The following SCAPER variants were observed in gnomAD, a reference collection of about 807,000 sequenced individuals.
SCAPER encodes S phase cyclin A-associated protein in the endoplasmic reticulum.
SCAPER carries 98 observed loss-of-function variants against 182.2 expected under a neutral mutation model. The observed-to-expected ratio is 0.54, with a 90% CI of 0.46 to 0.64. The LOEUF (loss-of-function observed/expected upper bound fraction) is 0.64. SCAPER is among the 30% of genes least tolerant of loss of function. The pLI is 0.00. For missense variants in SCAPER, 1,432 were observed against 1,690.0 expected, an observed-to-expected ratio of 0.85 and a Z score of 2.68; for synonymous variants, 605 against 564.6, an observed-to-expected ratio of 1.07 and a Z score of -1.01.
intron 5 of SCAPER, among the ~76,000 whole-genome samples, chr15:76,823,062 T>A (rs2067706114): frequency 6.6e-6 from 1 of 152,266 alleles, no homozygotes; most frequent in African/African-American, 2.4e-5. Flanking sequence ...TGATCATTTG[T>A]ATTATAAATG....
At chr15:76,831,387 C>A (rs1056232240) in intron 5 of SCAPER, among the ~76,000 whole-genome samples, 1 of 151,906 alleles carries the variant, frequency 6.6e-6, no homozygotes, top group Admixed American at 6.6e-5. Flanking sequence ...CTTTCCCAGC[C>A]CCCACCCTCC....
At chr15:76,778,365 T>G (rs879835033) in intron 8 of SCAPER, among the ~76,000 whole-genome samples, 1 of 152,146 alleles carries the variant, frequency 6.6e-6, no homozygotes, top group Non-Finnish European at 1.5e-5. Flanking sequence ...AAATTACGTA[T>G]GTATAATGTT....
chr15:76,397,945 T>TA (rs1257426355), intron 27 of SCAPER, among the ~76,000 whole-genome samples: 4 of 152,196 alleles, frequency 2.6e-5, no homozygotes, highest in African/African-American at 9.7e-5. Flanking sequence ...CTCAGCAAAT[T>TA]ATTTTATGTA....
chr15:76,836,748 C>T (rs369642721), intron 5 of SCAPER, among the ~76,000 whole-genome samples: 22 of 152,156 alleles, frequency 1.4e-4, no homozygotes, highest in African/African-American at 5.3e-4. Flanking sequence ...GTGGCAGGCA[C>T]CCGTAGTCCC....
intron 23 of SCAPER, among the ~76,000 whole-genome samples, chr15:76,514,619 T>C (rs1205783608): frequency 6.6e-6 from 1 of 151,776 alleles, no homozygotes; most frequent in Non-Finnish European, 1.5e-5. Flanking sequence ...GAAAACTGTT[T>C]GCGTGTTCAT....
chr15:76,640,686 T>C (rs931659726), intron 21 of SCAPER, among the ~76,000 whole-genome samples: 6 of 152,202 alleles, frequency 3.9e-5, no homozygotes, highest in African/African-American at 1.4e-4. Flanking sequence ...ATGACTGTTA[T>C]GGTTCATTTA....
chr15:76,717,036 C>G (rs1410419127), intron 17 of SCAPER, among the ~76,000 whole-genome samples: 1 of 150,908 alleles, frequency 6.6e-6, no homozygotes, highest in Non-Finnish European at 1.5e-5. Flanking sequence ...CAAGAGAAAA[C>G]TGTCTAGTCA....
chr15:76,637,042 GTATAA>G (rs1363212196), intron 21 of SCAPER, among the ~76,000 whole-genome samples: 1 of 151,714 alleles, frequency 6.6e-6, no homozygotes, highest in Non-Finnish European at 1.5e-5. Flanking sequence ...CATTTAAAAT[GTATAA>G]TATAATGTTT....
rs201379129 is a variant in SCAPER, at chr15:76,690,254, GA to G, written c.2508+11503del. Among the ~76,000 whole-genome samples the G allele has an allele frequency of 7.1e-3, 1,071 of 151,240 alleles. 8 individuals carry two copies. The highest frequency in any genetic ancestry group is 0.014 in the Middle Eastern group (4 of 292). The stretch of plus-strand genomic sequence containing the variant: ...ATATATAACCCCAGGGTAATCATGA[GA>G]AAAAAAAATCTATAAATATACTTCA... On this transcript the variant is annotated intron_variant, in intron 20 of 31. Coordinates refer to ENST00000563290, the MANE Select transcript of SCAPER (RefSeq NM_020843.4).
chr15:76,535,196 T>C (rs569777659), intron 23 of SCAPER, among the ~76,000 whole-genome samples: 4 of 152,226 alleles, frequency 2.6e-5, no homozygotes, highest in African/African-American at 9.6e-5. Context: ...TTCATGCCCA[T>C]GACACATTAT....
At chr15:76,733,072 C>T (rs757625284) in intron 16 of SCAPER, among the ~76,000 whole-genome samples, 157 bp downstream of exon 16, 4 of 152,188 alleles carry the variant, frequency 2.6e-5, no homozygotes, top group Non-Finnish European at 4.4e-5. Context: ...TAGTGGTCCC[C>T]CCAGGCCCAG....
At chr15:76,492,869 T>G (rs76554337) in intron 24 of SCAPER, among the ~76,000 whole-genome samples, 5 of 105,402 alleles carry the variant, frequency 4.7e-5, no homozygotes, top group Non-Finnish European at 9.5e-5. Context: ...TCTGAGAGTG[T>G]TTTTTTTTTT....
At position 76,667,655 on chromosome 15, in the gene SCAPER, A is replaced by C. The variant is rs533515392; in HGVS notation, c.2509-1866T>G. 6.8e-3 allele frequency among the ~76,000 whole-genome samples: 790 copies of C among 115,410 alleles called. 12 individuals carry two copies. Among genetic ancestry groups the C allele is most frequent in the African/African-American group, 0.023 (752 of 32,142 alleles). 75.7% of individuals were successfully genotyped at this position (115,410 alleles called of 152,430 possible). On this transcript the variant is annotated intron_variant, in intron 20 of 31. Transcript: ENST00000563290. Reference sequence around the variant, plus strand: ...AAAAAAAAAAAAAAAAAAAAAAAAAAAAAAAAACGCTCCTCAGCCAGAACA... The same window carrying C: ...AAAAAAAAAAAAAAAAAAAAAAAAACAAAAAAACGCTCCTCAGCCAGAACA...
Position 76,381,576 on chromosome 15 carries a change from T to C in SCAPER, c.3507A>G (p.Thr1169=). The C allele has an allele frequency of 1.9e-6, 3 of 1,607,058 alleles. No individual in the cohort carries two copies. Among genetic ancestry groups the C allele is most frequent in the Non-Finnish European group, 1.7e-6 (2 of 1,176,544 alleles). The part of the protein sequence containing the change: ...SIFDNNRQDP[T]GLTAALQATD... ...TTGCCTGAAGAGCAGCTGTCAGCCC[T>C]GTGGGATCCTGGCGATTATTGTCAA... Residue 1169 remains threonine, a synonymous_variant, in exon 28 of 32, where the codon ACA becomes ACG. Coordinates refer to ENST00000563290, the MANE Select transcript of SCAPER (RefSeq NM_020843.4).
chr15:76,573,657 G>A (rs890188378), intron 23 of SCAPER, among the ~76,000 whole-genome samples: 15 of 151,960 alleles, frequency 9.9e-5, no homozygotes, highest in East Asian at 1.9e-4. Flanking sequence ...TTCTTTGTAC[G>A]TTTAACATTT....
At chr15:76,730,405 G>T (rs547616918) in intron 16 of SCAPER, among the ~76,000 whole-genome samples, 1 of 152,074 alleles carries the variant, frequency 6.6e-6, no homozygotes, top group South Asian at 2.1e-4. Flanking sequence ...CATGCAATTA[G>T]ATTTTAAAAT....
At chr15:76,428,154 A>G (rs1334157646) in intron 26 of SCAPER, among the ~76,000 whole-genome samples, 1 of 152,176 alleles carries the variant, frequency 6.6e-6, no homozygotes, top group Non-Finnish European at 1.5e-5. Context: ...AGAGAAAAGG[A>G]AACACTTGAA....
At chr15:76,611,503 A>T (rs1390898382) in intron 22 of SCAPER, among the ~76,000 whole-genome samples, 1 of 152,194 alleles carries the variant, frequency 6.6e-6, no homozygotes, top group Non-Finnish European at 1.5e-5. Flanking sequence ...AGATGTACAA[A>T]GAAGAGCTGG....
At chr15:76,534,749 T>C (rs1244611908) in intron 23 of SCAPER, among the ~76,000 whole-genome samples, 1 of 152,166 alleles carries the variant, frequency 6.6e-6, no homozygotes, top group East Asian at 1.9e-4. Flanking sequence ...CTTCAAGATA[T>C]CTTTTAAATT....
Sources: allele counts gnomAD v4.1 joint callset (sites outside exome capture counted in the v4.1 genomes callset), GRCh38; gene constraint gnomAD v4.1.1; transcripts MANE v1.5; gene names NCBI Gene and HGNC (gene_info 2026-07-23, HGNC 2026-07-21).